The following TMEM255B variants were observed in gnomAD, a reference collection of about 807,000 sequenced individuals.
The protein encoded by TMEM255B is transmembrane protein 255B, also known as family with sequence similarity 70, member B.
Under a neutral mutation model 34.5 loss-of-function variants are expected in TMEM255B, and 35 were observed. The observed-to-expected ratio is 1.01, with a 90% CI of 0.77 to 1.34. The LOEUF is 1.34. TMEM255B is among the 40% of genes most tolerant of loss of function. The pLI is 0.00. For missense variants in TMEM255B, 432 were observed against 433.2 expected (o/e 1.00, Z 0.02); for synonymous variants, 206 against 201.2 (o/e 1.02, Z -0.20).
chr13:113,786,188 C>T (rs1248738886), intron 3 of TMEM255B, among the ~76,000 whole-genome samples: 5 of 152,116 alleles, frequency 3.3e-5, no homozygotes, highest in Non-Finnish European at 7.4e-5. Context: ...TTACTATCCC[C>T]GCTGTCACCA....
At position 113,805,007 on chromosome 13, in the gene TMEM255B, G is replaced by A. The variant is rs181424348; in HGVS notation, c.792G>A (p.Ser264=). 5.1e-5 allele frequency: 82 copies of A among 1,604,422 alleles called. No individual in the cohort carries two copies. The highest frequency in any genetic ancestry group is 3.6e-4 in the East Asian group (16 of 44,756). ...CGCCCGAGCCCGTCCCGACCTGCTC[G>A]TCCTACCCTCTGCCCCTTCAGGTAG... ...RLTPEPVPTC[S]SYPLPLQPCS... is the part of the protein sequence containing the mutation. The change falls in exon 8 of 9, where the codon TCG becomes TCA. Residue 264 remains serine, a synonymous_variant. Transcript: ENST00000375353.
chr13:113,789,202 T>G (rs1277058992), intron 3 of TMEM255B, among the ~76,000 whole-genome samples: 2 of 151,632 alleles, frequency 1.3e-5, no homozygotes, highest in African/African-American at 2.4e-5. Context: ...TCTGTTGGAA[T>G]GTAAACTCTG....
At position 113,814,768 on chromosome 13, in the gene TMEM255B, C is replaced by T. The variant is rs1233302750; in HGVS notation, c.*2865C>T. ...CCAGCCTCCTCTGCAGGGATGGGCT[C>T]CCAATCCCGCCCTCACTTGGTTCCC... On this transcript the variant is annotated 3_prime_UTR_variant, in exon 9 of 9. Coordinates refer to ENST00000375353, the MANE Select transcript of TMEM255B (RefSeq NM_182614.4). 1 of 152,054 alleles carries T rather than the reference C, an allele frequency of 6.6e-6. No homozygotes were observed. The highest frequency in any genetic ancestry group is 1.9e-4 in the East Asian group (1 of 5,142). 9.4% of individuals were successfully genotyped at this position (152,054 alleles called of 1,614,324 possible). A position where few individuals can be genotyped will look rare whatever the true frequency, so the allele number is the denominator to read the frequency against.
At chr13:113,795,998 A>G (rs1470884452) in intron 4 of TMEM255B, among the ~76,000 whole-genome samples, 4 of 146,732 alleles carry the variant, frequency 2.7e-5, no homozygotes, top group African/African-American at 1.0e-4. Flanking sequence ...AGCACACAGC[A>G]CACAACACAC....
chr13:113,787,673 T>C (rs1359525645), intron 3 of TMEM255B, among the ~76,000 whole-genome samples: 2 of 152,068 alleles, frequency 1.3e-5, no homozygotes, highest in Non-Finnish European at 2.9e-5. Context: ...GGCTTAGAAC[T>C]GTGAGCAGGG....
At chr13:113,811,301 G>A (rs184432235) in intron 8 of TMEM255B, among the ~76,000 whole-genome samples, 2 of 103,192 alleles carry the variant, frequency 1.9e-5, no homozygotes, top group African/African-American at 8.0e-5. Flanking sequence ...GTGAGAGTGG[G>A]CCTGGGCCTG....
rs2051386985 is a variant in TMEM255B, at chr13:113,815,008, G to A, written c.*3105G>A. The A allele has an allele frequency of 6.6e-6, 1 of 152,078 alleles. No homozygotes were observed. Among genetic ancestry groups the A allele is most frequent in the Non-Finnish European group, 1.5e-5 (1 of 68,052 alleles). The allele number at this position is 152,078 out of a possible 1,614,324, so 9.4% of individuals were successfully genotyped here. Reference sequence around the variant, plus strand: ...TGCAGCTCAGAGGTGGGGGCCTAGTGTAGCTGCAGGTTGTGACTGAGGAGG... The same window carrying A: ...TGCAGCTCAGAGGTGGGGGCCTAGTATAGCTGCAGGTTGTGACTGAGGAGG... On this transcript the variant is annotated 3_prime_UTR_variant, in exon 9 of 9. Transcript: ENST00000375353.
rs1555303677 is a variant in TMEM255B, at chr13:113,814,853, T to G, written c.*2950T>G. 1.6e-4 allele frequency: 1 copy of G among 6,226 alleles called. No homozygotes were observed. The highest frequency in any genetic ancestry group is 7.8e-4 in the African/African-American group (1 of 1,278). The allele number at this position is 6,226 out of a possible 1,614,324, so 0.4% of individuals were successfully genotyped here. On this transcript the variant is annotated 3_prime_UTR_variant, in exon 9 of 9. Transcript: ENST00000375353. ...GCGGGAGATGGGGTGGAGGGGATGG[T>G]GGGGCAGGGGGTGCTGGGGGGTTTG...
chr13:113,784,659 G>A (rs1201966202), intron 3 of TMEM255B, among the ~76,000 whole-genome samples: 3 of 152,248 alleles, frequency 2.0e-5, no homozygotes, highest in African/African-American at 4.8e-5. Flanking sequence ...TGAGGATTTT[G>A]AGAGCCCACT....
At chr13:113,784,971 C>T (rs187577141) in intron 3 of TMEM255B, among the ~76,000 whole-genome samples, 13 of 151,910 alleles carry the variant, frequency 8.6e-5, no homozygotes, top group Admixed American at 3.3e-4. Context: ...CTGAGAGGGG[C>T]TTCTGGTGAA....
In TMEM255B at chr13:113,815,604, T is replaced by G. The variant is rs891916267; in HGVS notation, c.*3701T>G. On this transcript the variant is annotated 3_prime_UTR_variant, in exon 9 of 9. Coordinates refer to ENST00000375353, the MANE Select transcript of TMEM255B (RefSeq NM_182614.4). Reference sequence around the variant, plus strand: ...GTTGATCAGGATTTCCGCTTTTGCTTCTTCCTCATTTTCTCTTGCTCCTGC... The same window carrying G: ...GTTGATCAGGATTTCCGCTTTTGCTGCTTCCTCATTTTCTCTTGCTCCTGC... 6.5e-6 allele frequency: 1 copy of G among 153,676 alleles called. No individual in the cohort carries two copies. The highest frequency in any genetic ancestry group is 1.4e-5 in the Non-Finnish European group (1 of 69,046). The allele number at this position is 153,676 out of a possible 1,614,324, so 9.5% of individuals were successfully genotyped here.
intron 3 of TMEM255B, among the ~76,000 whole-genome samples, chr13:113,793,580 C>T (rs1319186284): frequency 1.3e-5 from 2 of 152,264 alleles, no homozygotes; most frequent in African/African-American, 4.8e-5. Flanking sequence ...TGGACTCGCT[C>T]TCCGGCCCGC....
chr13:113,763,656 G>A (rs2050343182), intron 1 of TMEM255B, among the ~76,000 whole-genome samples: 1 of 152,172 alleles, frequency 6.6e-6, no homozygotes, highest in Admixed American at 6.5e-5. Context: ...GTTAATTTAG[G>A]TTACCATGAA....
intron 6 of TMEM255B, 40 bp from the exon 7 acceptor site, chr13:113,801,613 T>G: frequency 6.5e-7 from 1 of 1,548,408 alleles, no homozygotes; most frequent in Non-Finnish European, 8.8e-7. Context: ...GGGTGGTCAC[T>G]TGCCTCGTGC....
chr13:113,764,538 A>G lies in TMEM255B; in HGVS notation c.47-1577A>G, dbSNP rs1321853140. Among the ~76,000 whole-genome samples the G allele has an allele frequency of 5.3e-5, 8 of 152,316 alleles. No individual in the cohort carries two copies. The East Asian group carries it at 1.5e-3, about 29-fold the overall frequency. ...GCACTGTGCCATCACCAGGCCCCTCAGGGAAGGCTCTGCCCTCTGCCCGCT... is the reference window on the plus strand; with the variant it reads ...GCACTGTGCCATCACCAGGCCCCTCGGGGAAGGCTCTGCCCTCTGCCCGCT... On this transcript the variant is annotated intron_variant, in intron 1 of 8. Coordinates refer to ENST00000375353, the MANE Select transcript of TMEM255B (RefSeq NM_182614.4).
In TMEM255B at chr13:113,783,094, G is replaced by A. The variant is rs2050690214; in HGVS notation, c.253-12054G>A. The stretch of plus-strand genomic sequence containing the variant: ...GTGGATTGGGAAACAAATTGGAGGG[G>A]GAGAAAAGTTTGACCTTCTCTAGAT... On this transcript the variant is annotated intron_variant, in intron 3 of 8. Transcript: ENST00000375353. Among the ~76,000 whole-genome samples, 3 of 151,966 alleles carry A rather than the reference G, an allele frequency of 2.0e-5. No individual in the cohort carries two copies. The South Asian group carries it at 6.3e-4, about 32-fold the overall frequency.
intron 3 of TMEM255B, among the ~76,000 whole-genome samples, chr13:113,785,856 C>G (rs1178948344): frequency 6.6e-6 from 1 of 152,146 alleles, no homozygotes; most frequent in African/African-American, 2.4e-5. Context: ...ACTCACACAT[C>G]CCTGTGTCTT....
chr13:113,796,045 G>GCA (rs2050925535), intron 4 of TMEM255B, among the ~76,000 whole-genome samples: 1 of 98,132 alleles, frequency 1.0e-5, no homozygotes, highest in Admixed American at 1.3e-4. Context: ...AGAGCACACA[G>GCA]CACACAACAC....
In TMEM255B at chr13:113,767,986, G is replaced by A. The variant is rs143104947; in HGVS notation, c.190-1112G>A. ...GTTATCCCTGGAGAATTCTCAAACC[G>A]TTGGTGAAAGCCACATGTGTACGTG... On this transcript the variant is annotated intron_variant, in intron 2 of 8. Coordinates refer to ENST00000375353, the MANE Select transcript of TMEM255B (RefSeq NM_182614.4). 945 of 283,912 alleles carry A rather than the reference G, an allele frequency of 3.3e-3. 2 individuals carry two copies. Among genetic ancestry groups the A allele is most frequent in the African/African-American group, 0.02 (894 of 44,848 alleles). The allele number at this position is 283,912 out of a possible 1,614,324, so 17.6% of individuals were successfully genotyped here.
Sources: gnomAD v4.1 joint callset for allele counts (sites outside exome capture counted in the v4.1 genomes callset) on GRCh38, gnomAD v4.1.1 for gene constraint, MANE v1.5 for transcripts, NCBI Gene and HGNC (gene_info 2026-07-23, HGNC 2026-07-21) for gene names.